The following STAG1 variants were observed in gnomAD, a reference collection of about 807,000 sequenced individuals.
STAG1 encodes the protein STAG1 cohesin complex component.
STAG1 carries 26 observed loss-of-function variants against 170.9 expected under a neutral mutation model. The ratio of observed to expected loss-of-function variants is 0.15; its 90% CI spans 0.11 to 0.21. The LOEUF is 0.21. Ranked by LOEUF, STAG1 falls within the 10% of genes least tolerant of loss-of-function variation. The pLI is 1.00. For synonymous variants in STAG1, 514 were observed against 497.7 expected, an observed-to-expected ratio of 1.03 and a Z score of -0.44; for missense variants, 964 against 1,509.5, an observed-to-expected ratio of 0.64 and a Z score of 5.99.
chr3:136,672,785 C>G, intron 1 of STAG1, among the ~76,000 whole-genome samples: 1 of 152,184 alleles, frequency 6.6e-6, no homozygotes. Context: ...AGAATTCATA[C>G]AGCAGGTAAA....
At chr3:136,635,787 A>G (rs1443838985) in intron 1 of STAG1, among the ~76,000 whole-genome samples, 1 of 152,248 alleles carries the variant, frequency 6.6e-6, no homozygotes, top group Non-Finnish European at 1.5e-5. Context: ...TTCAAGATAC[A>G]AGGCTAATAT....
intron 1 of STAG1, among the ~76,000 whole-genome samples, chr3:136,714,229 TGAAGCTCAAAAACAGAAC>T (rs1168757152): frequency 6.6e-6 from 1 of 151,948 alleles, no homozygotes. Flanking sequence ...TTCATCTATG[TGAAGCTCAAAAACAGAAC>T]GTCAAACCAC....
chr3:136,349,982 C>CA (rs1171369644), intron 28 of STAG1, among the ~76,000 whole-genome samples: 1 of 151,660 alleles, frequency 6.6e-6, no homozygotes, highest in East Asian at 1.9e-4. Flanking sequence ...CCTATCCCTA[C>CA]AAAAAAAATT....
chr3:136,479,116 G>A (rs1343685473), intron 9 of STAG1, among the ~76,000 whole-genome samples: 1 of 127,536 alleles, frequency 7.8e-6, no homozygotes, highest in Non-Finnish European at 1.6e-5. Context: ...TAGGGTACAT[G>A]TGCACATTGT....
intron 1 of STAG1, among the ~76,000 whole-genome samples, chr3:136,724,784 A>G (rs1390055168): frequency 6.6e-6 from 1 of 152,188 alleles, no homozygotes; most frequent in African/African-American, 2.4e-5. Context: ...GCAGATGAAC[A>G]TATTTTGAGA....
At chr3:136,616,443 A>T (rs980294253) in intron 3 of STAG1, among the ~76,000 whole-genome samples, 13 of 152,232 alleles carry the variant, frequency 8.5e-5, no homozygotes, top group Admixed American at 6.5e-5. Context: ...TCTAGTCAGT[A>T]GAAGAAAATT....
intron 1 of STAG1, among the ~76,000 whole-genome samples, chr3:136,734,794 T>A (rs565984507): frequency 6.6e-6 from 1 of 152,216 alleles, no homozygotes; most frequent in Non-Finnish European, 1.5e-5. Context: ...TGTATACCAC[T>A]GCCACACATA....
intron 1 of STAG1, among the ~76,000 whole-genome samples, chr3:136,698,112 GA>G (rs1942953271): frequency 6.6e-6 from 1 of 151,334 alleles, no homozygotes; most frequent in African/African-American, 2.4e-5. Context: ...CTTAGGCAAA[GA>G]ATTCATGACT....
At chr3:136,452,741 ACTG>A (rs1194942287) in intron 13 of STAG1, among the ~76,000 whole-genome samples, 1 of 152,130 alleles carries the variant, frequency 6.6e-6, no homozygotes, top group Admixed American at 6.6e-5. Flanking sequence ...AATGATAAGG[ACTG>A]CTATTATCCT....
At chr3:136,472,005 T>G (rs1489740121) in intron 12 of STAG1, among the ~76,000 whole-genome samples, 1 of 152,110 alleles carries the variant, frequency 6.6e-6, no homozygotes, top group African/African-American at 2.4e-5. Context: ...GCCAGTTAAT[T>G]TTTTTAATCA....
intron 6 of STAG1, among the ~76,000 whole-genome samples, chr3:136,530,577 C>G (rs1452462417): frequency 6.6e-6 from 1 of 152,000 alleles, no homozygotes; most frequent in Non-Finnish European, 1.5e-5. Context: ...CTTCTCAGAC[C>G]ACAATGGAAT....
At chr3:136,614,291 C>G (rs1939465612) in intron 3 of STAG1, among the ~76,000 whole-genome samples, 1 of 152,038 alleles carries the variant, frequency 6.6e-6, no homozygotes, top group South Asian at 2.1e-4. Context: ...ACAATCTTGT[C>G]AATTGGTAGT....
chr3:136,381,431 A>G (rs1217155877), intron 22 of STAG1, among the ~76,000 whole-genome samples: 1 of 152,232 alleles, frequency 6.6e-6, no homozygotes, highest in African/African-American at 2.4e-5. Context: ...ATAATTAACA[A>G]TGACAAATGC....
At chr3:136,427,312 A>T (rs1456763714) in intron 16 of STAG1, among the ~76,000 whole-genome samples, 3 of 152,176 alleles carry the variant, frequency 2.0e-5, no homozygotes, top group Admixed American at 2.0e-4. Context: ...TATTGTACAC[A>T]TCTACTGTTG....
chr3:136,403,874 CATTGGT>C (rs2087407634), intron 21 of STAG1, among the ~76,000 whole-genome samples: 2 of 152,210 alleles, frequency 1.3e-5, no homozygotes, highest in South Asian at 4.1e-4. Context: ...CTGTTTCACA[CATTGGT>C]ATTCCTTTTA....
intron 1 of STAG1, among the ~76,000 whole-genome samples, chr3:136,662,930 A>G (rs1310647481): frequency 2.0e-5 from 3 of 152,142 alleles, no homozygotes; most frequent in African/African-American, 7.2e-5. Flanking sequence ...AGGCGCCTGT[A>G]ATCCCAGCTA....
chr3:136,388,215 T>C (rs1463326998), intron 22 of STAG1, among the ~76,000 whole-genome samples: 3 of 152,186 alleles, frequency 2.0e-5, no homozygotes, highest in Non-Finnish European at 4.4e-5. Flanking sequence ...TCATTTTATA[T>C]ATCAGGAAAG....
At chr3:136,667,419 C>G (rs1435727855) in intron 1 of STAG1, among the ~76,000 whole-genome samples, 1 of 151,990 alleles carries the variant, frequency 6.6e-6, no homozygotes. Flanking sequence ...GATAGACAGA[C>G]AGACAGAAAA....
intron 1 of STAG1, among the ~76,000 whole-genome samples, chr3:136,731,194 A>G (rs1159852289): frequency 6.6e-6 from 1 of 152,138 alleles, no homozygotes; most frequent in Non-Finnish European, 1.5e-5. Context: ...GCATTTGCTC[A>G]CTTCAACAAA....
Sources: gnomAD v4.1 joint callset for allele counts (sites outside exome capture counted in the v4.1 genomes callset) on GRCh38, gnomAD v4.1.1 for gene constraint, MANE v1.5 for transcripts, NCBI Gene and HGNC (gene_info 2026-07-23, HGNC 2026-07-21) for gene names.